PEG3: variants seen among roughly 807,000 people sequenced by gnomAD.
PEG3 encodes paternally expressed 3.
Under a neutral mutation model 35.5 loss-of-function variants are expected in PEG3, and 23 were observed. That is an observed-to-expected ratio of 0.65 (90% CI 0.47 to 0.92). The LOEUF (loss-of-function observed/expected upper bound fraction) is 0.92. Ranked by LOEUF, PEG3 falls within the 40% of genes least tolerant of loss-of-function variation. The probability of loss-of-function intolerance (pLI) is 0.00; values close to 1 mark genes in which losing one functional copy is unlikely to be tolerated. For synonymous variants in PEG3, 707 were observed against 697.0 expected (o/e 1.01, Z -0.23); for missense variants, 1,960 against 1,985.3 (o/e 0.99, Z 0.24).
At chr19:56,834,556 G>T (rs2061888074) in intron 2 of PEG3, among the ~76,000 whole-genome samples, 1 of 152,150 alleles carries the variant, frequency 6.6e-6, no homozygotes, top group Admixed American at 6.5e-5. Flanking sequence ...CAGAATTGTG[G>T]GAACAGGAAC....
chr19:56,816,271 T>C lies in PEG3; in HGVS notation c.2171A>G (p.His724Arg). ...EGRGYEKSVI[H>R]SGPFTESQKS... Reference sequence around the variant, plus strand: ...CTGAGATTCAGTGAATGGCCCACTATGAATGACAGATTTCTCATACCCTCT... The same window carrying C: ...CTGAGATTCAGTGAATGGCCCACTACGAATGACAGATTTCTCATACCCTCT... The change falls in exon 10 of 10, where the codon CAT (histidine) becomes CGT (arginine). Residue 724 changes from histidine (H) to arginine (R), a missense_variant. Transcript: ENST00000326441. 1 of 1,614,016 alleles carries C rather than the reference T, an allele frequency of 6.2e-7. No homozygotes were observed. Among genetic ancestry groups the C allele is most frequent in the Non-Finnish European group, 8.5e-7 (1 of 1,179,838 alleles).
In PEG3 at chr19:56,827,610, T is replaced by C. The variant is rs548309114; in HGVS notation, c.-162-1147A>G. Among the ~76,000 whole-genome samples the C allele has an allele frequency of 3.9e-5, 6 of 152,332 alleles. No homozygotes were observed. The South Asian group carries it at 1.2e-3, about 32-fold the overall frequency. ...TTTATCAAAATTAAAAGTGCACATA[T>C]CCTCCTCTCCTACAAATTCTACTTC... On this transcript the variant is annotated intron_variant, in intron 2 of 9. Coordinates refer to ENST00000326441, the MANE Select transcript of PEG3 (RefSeq NM_006210.3).
chr19:56,819,323 A>G (rs1023285539), intron 7 of PEG3, among the ~76,000 whole-genome samples: 14 of 152,328 alleles, frequency 9.2e-5, no homozygotes, highest in African/African-American at 3.1e-4. Flanking sequence ...TCACCCAGGA[A>G]TAACTGTAAG....
intron 1 of PEG3, among the ~76,000 whole-genome samples, chr19:56,836,866 A>C (rs546168141): frequency 1.4e-4 from 21 of 149,572 alleles, no homozygotes; most frequent in African/African-American, 4.5e-4. Flanking sequence ...TACTCTGAAG[A>C]GGCTGGGGTG....
chr19:56,815,261 C>T lies in PEG3; in HGVS notation c.3181G>A (p.Glu1061Lys), dbSNP rs765581663. 4.0e-5 allele frequency: 64 copies of T among 1,614,102 alleles called. No individual in the cohort carries two copies. Among genetic ancestry groups the T allele is most frequent in the South Asian group, 2.2e-4 (20 of 91,086 alleles). The change falls in exon 10 of 10, where the codon GAG becomes AAG. Residue 1061 changes from glutamate to lysine, a missense_variant. Glu to Lys is a moderately conservative substitution (Grantham distance 56). This residue lies in a region of PEG3 where 798 missense variants were observed against 782.4 expected (regional missense o/e 1.02). Coordinates refer to ENST00000326441, the MANE Select transcript of PEG3 (RefSeq NM_006210.3). The stretch of plus-strand genomic sequence containing the variant: ...TCAGTATTCTCGCCTTGAGACTCCT[C>T]GCCATGAGACTTCTCTTGGTCATAG... ...KIYDQEKSHG[E>K]ESQGENTDGE...
In PEG3 at chr19:56,836,058, C is replaced by G. The variant is rs1255697209; in HGVS notation, c.-203G>C. 2 of 508,574 alleles carry G rather than the reference C, an allele frequency of 3.9e-6. No homozygotes were observed. The highest frequency in any genetic ancestry group is 3.2e-4 in the Middle Eastern group (1 of 3,136). The allele number at this position is 508,574 out of a possible 1,614,324, so 31.5% of individuals were successfully genotyped here. The stretch of plus-strand genomic sequence containing the variant: ...TAGCGTTTGGACCTAGTCCCTCTTC[C>G]TCTCGCCAGTCGTCTCCAAGAAGGA... On this transcript the variant is annotated 5_prime_UTR_variant, in exon 2 of 10. Coordinates refer to ENST00000326441, the MANE Select transcript of PEG3 (RefSeq NM_006210.3).
Position 56,814,379 on chromosome 19 carries a change from G to C in PEG3, c.4063C>G (p.Leu1355Val). Residue 1355 changes from leucine to valine, a missense_variant, in exon 10 of 10, where the codon CTG becomes GTG. Physicochemically the swap from Leu to Val is conservative, Grantham distance 32 (BLOSUM62 1). Coordinates refer to ENST00000326441, the MANE Select transcript of PEG3 (RefSeq NM_006210.3). This position sits in a 1 kb window ranked among gnomAD's most constrained non-coding sequence, Gnocchi z 5.8. The stretch of plus-strand genomic sequence containing the variant: ...GCTTCATCTTCTTCTTCTTCTTCCA[G>C]ATGAAGCTCCTTATGTTTAGTGAGG... ...TVLTKHKELH[L>V]EEEEEDEAAA... is the part of the protein sequence containing the mutation. 6.2e-7 allele frequency: 1 copy of C among 1,611,970 alleles called. No homozygotes were observed.
rs2061040062 is a variant in PEG3, at chr19:56,826,445, A to C, written c.-144T>G. The C allele has an allele frequency of 6.6e-6, 1 of 152,266 alleles. No homozygotes were observed. Among genetic ancestry groups the C allele is most frequent in the Admixed American group, 6.5e-5 (1 of 15,292 alleles). 9.4% of individuals were successfully genotyped at this position (152,266 alleles called of 1,614,324 possible). On this transcript the variant is annotated 5_prime_UTR_variant, in exon 3 of 10. Coordinates refer to ENST00000326441, the MANE Select transcript of PEG3 (RefSeq NM_006210.3). The stretch of plus-strand genomic sequence containing the variant: ...AGACCAAGCAGCTATCCACAGGAAC[A>C]GAGTCAAAACACAGGTATCTGCAGA...
chr19:56,823,647 C>A lies in PEG3; in HGVS notation c.427G>T (p.Asp143Tyr), dbSNP rs149822437. 5.0e-6 allele frequency: 8 copies of A among 1,614,114 alleles called. No individual in the cohort carries two copies. The East Asian group carries it at 1.6e-4, about 31-fold the overall frequency. Reference sequence around the variant, plus strand: ...GACTCTCTTCTGTTCCGGGTCATGTCGTCGTCGCTGGTCACGTCACTGTTG... The same window carrying A: ...GACTCTCTTCTGTTCCGGGTCATGTAGTCGTCGCTGGTCACGTCACTGTTG... ...DNNSDVTSDDDMTRNRRESSP... is the reference protein window; with the variant it reads ...DNNSDVTSDDYMTRNRRESSP... Residue 143 changes from aspartate (D) to tyrosine (Y), a missense_variant, in exon 5 of 10, where the codon GAC becomes TAC. Physicochemically the swap from Asp to Tyr is radical, Grantham distance 160 (BLOSUM62 -3). Around this residue, in one of 5 missense-constraint regions of PEG3, gnomAD observed 613 missense variants for 577.1 expected, o/e 1.06. Transcript: ENST00000326441.
chr19:56,824,135 G>A, intron 4 of PEG3, 127 bp downstream of exon 4: 2 of 1,449,604 alleles, frequency 1.4e-6, no homozygotes, highest in East Asian at 2.3e-5. Context: ...CAGTACACAG[G>A]ACATCCCCAC....
rs868844053 is a variant in PEG3 at position 56,833,352 on chromosome 19, C to T, written c.-163+2666G>A. On this transcript the variant is annotated intron_variant, in intron 2 of 9. Transcript: ENST00000326441. ...CAGGAACCGAGGAGGTTACTCTCTTCGTCTCCCAGGGACAGCGTGGTGTGT... is the reference window on the plus strand; with the variant it reads ...CAGGAACCGAGGAGGTTACTCTCTTTGTCTCCCAGGGACAGCGTGGTGTGT... 19 of 368,282 alleles carry T rather than the reference C, an allele frequency of 5.2e-5. 1 individual carries two copies. Among genetic ancestry groups the T allele is most frequent in the Non-Finnish European group, 4.3e-5 (8 of 187,054 alleles). The allele number at this position is 368,282 out of a possible 1,614,324, so 22.8% of individuals were successfully genotyped here. A position where few individuals can be genotyped will look rare whatever the true frequency, so the allele number is the denominator to read the frequency against.
Position 56,814,988 on chromosome 19 carries a change from C to T in PEG3, c.3454G>A (p.Glu1152Lys), listed in dbSNP as rs779297398. 86 of 1,614,070 alleles carry T rather than the reference C, an allele frequency of 5.3e-5. 1 individual carries two copies. The Admixed American group carries it at 9.7e-4, about 18-fold the overall frequency. The change falls in exon 10 of 10, where the codon GAG becomes AAG. Residue 1152 changes from glutamate to lysine, a missense_variant. By Grantham distance (56) the Glu-to-Lys change is moderately conservative. Transcript: ENST00000326441. The surrounding 1 kb of genome is among the most constrained non-coding windows in gnomAD (Gnocchi z 5.8). ...TCTCCAGTGTAATCTCTCTGATACT[C>T]GCTGATGGAATGGGTGTGAATTACA... ...HSVIHTHSIS[E>K]YQRDYTGEQL...
At chr19:56,830,842 G>T (rs895635698) in intron 2 of PEG3, among the ~76,000 whole-genome samples, 2 of 152,108 alleles carry the variant, frequency 1.3e-5, no homozygotes, top group Admixed American at 6.6e-5. Flanking sequence ...GGCTGATGCA[G>T]GGGGGCCCTG....
At chr19:56,820,954 C>T (rs752887163) in intron 7 of PEG3, among the ~76,000 whole-genome samples, 1 of 152,204 alleles carries the variant, frequency 6.6e-6, no homozygotes, top group African/African-American at 2.4e-5. Context: ...CTCCACACTC[C>T]ACCATGTATA....
chr19:56,820,594 C>T (rs1394106488), intron 7 of PEG3, among the ~76,000 whole-genome samples: 1 of 152,192 alleles, frequency 6.6e-6, no homozygotes, highest in East Asian at 1.9e-4. Context: ...TCCCCTCCCC[C>T]AACACCTGAC....
intron 2 of PEG3, chr19:56,833,255 C>T: frequency 2.1e-6 from 1 of 473,332 alleles, no homozygotes; most frequent in South Asian, 1.5e-5. Flanking sequence ...CACCATGGTG[C>T]ACCTAGATTC....
In PEG3 at chr19:56,818,581, G is replaced by C. The variant is rs375092734; in HGVS notation, c.772+19C>G. 650 of 1,613,610 alleles carry C rather than the reference G, an allele frequency of 4.0e-4. No homozygotes were observed. The highest frequency in any genetic ancestry group is 5.3e-4 in the Non-Finnish European group (620 of 1,179,718). On this transcript the variant is annotated intron_variant, in intron 8 of 9. Transcript: ENST00000326441. ...TCCAATGACTGGACTGGGAGTGACT[G>C]AGAGAAGCAGCTGCTTACCGAGGGA...
chr19:56,812,197 G>A lies in PEG3; in HGVS notation c.*1478C>T. The A allele has an allele frequency of 1.9e-5, 19 of 981,118 alleles. No individual in the cohort carries two copies. Among genetic ancestry groups the A allele is most frequent in the Non-Finnish European group, 2.3e-5 (19 of 826,500 alleles). 60.8% of individuals were successfully genotyped at this position (981,118 alleles called of 1,614,324 possible). A position where few individuals can be genotyped will look rare whatever the true frequency, so the allele number is the denominator to read the frequency against. The stretch of plus-strand genomic sequence containing the variant: ...AAATTTCTTAATATAGTTATTATGC[G>A]AGGGGAGGGGAAGCAAAGGAGCACA... On this transcript the variant is annotated 3_prime_UTR_variant, in exon 10 of 10. Coordinates refer to ENST00000326441, the MANE Select transcript of PEG3 (RefSeq NM_006210.3).
chr19:56,829,411 T>A (rs772520944), intron 2 of PEG3, among the ~76,000 whole-genome samples: 1 of 151,488 alleles, frequency 6.6e-6, no homozygotes, highest in Non-Finnish European at 1.5e-5. Flanking sequence ...TAATTTCTGG[T>A]TTGTAAAAGG....
Sources: allele counts gnomAD v4.1 joint callset (sites outside exome capture counted in the v4.1 genomes callset), GRCh38; gene constraint gnomAD v4.1.1; regional missense constraint gnomAD v4.1.1; non-coding constraint Gnocchi (gnomAD v3.1); transcripts MANE v1.5; gene names NCBI Gene and HGNC (gene_info 2026-07-23, HGNC 2026-07-21).